The following CENPC variants were observed in gnomAD, a reference collection of about 807,000 sequenced individuals.
The protein encoded by CENPC is centromere protein C.
A neutral mutation model predicts 112.1 loss-of-function variants in CENPC; 63 were observed. That is an observed-to-expected ratio of 0.56 (90% CI 0.46 to 0.69). The LOEUF (loss-of-function observed/expected upper bound fraction) is 0.69, where lower values mean the gene tolerates loss of function less well. Ranked by LOEUF, CENPC falls within the 30% of genes least tolerant of loss-of-function variation. The probability of loss-of-function intolerance (pLI) is 0.00; values close to 1 mark genes in which losing one functional copy is unlikely to be tolerated. For synonymous variants in CENPC, 333 were observed against 367.6 expected (o/e 0.91, Z 1.08); for missense variants, 1,000 against 1,103.8 (o/e 0.91, Z 1.33).
chr4:67,519,266 C>T lies in CENPC; in HGVS notation c.568G>A (p.Val190Ile), dbSNP rs1355504666. 2.7e-5 allele frequency: 44 copies of T among 1,605,410 alleles called. No homozygotes were observed. Among genetic ancestry groups the T allele is most frequent in the Non-Finnish European group, 3.6e-5 (42 of 1,174,478 alleles). ...TCTGTACTTGAAGGCAGCATATTTA[C>T]TGAATTTTCAAAAGTGTAAGTCTCT... is the stretch of plus-strand genomic sequence containing the variant. ...KRETYTFENS[V>I]NMLPSSTEVS... Residue 190 changes from valine to isoleucine, a missense_variant, in exon 6 of 19, where the codon GTA becomes ATA. By Grantham distance (29) the Val-to-Ile change is conservative (BLOSUM62 3). Coordinates refer to ENST00000273853, the MANE Select transcript of CENPC (RefSeq NM_001812.4).
chr4:67,500,828 T>C (rs140373438), intron 12 of CENPC, among the ~76,000 whole-genome samples: 354 of 152,274 alleles, frequency 2.3e-3, no homozygotes, highest in African/African-American at 8.3e-3. Context: ...CCATCATTAG[T>C]GGCTGATAAT....
intron 3 of CENPC, 139 bp from the exon 4 acceptor site, chr4:67,540,073 C>T (rs1056324830): frequency 6.2e-6 from 3 of 485,764 alleles, no homozygotes. Flanking sequence ...AAGTAGAGAC[C>T]TCAATTTAAT....
At chr4:67,541,593 T>C (rs1356811297) in intron 2 of CENPC, among the ~76,000 whole-genome samples, 1 of 152,168 alleles carries the variant, frequency 6.6e-6, no homozygotes, top group Non-Finnish European at 1.5e-5. Context: ...AGTGCTAATA[T>C]TTTGCAAAAC....
intron 18 of CENPC, among the ~76,000 whole-genome samples, chr4:67,473,498 T>C (rs183873665): frequency 1.0e-3 from 156 of 152,250 alleles, no homozygotes; most frequent in African/African-American, 3.4e-3. Flanking sequence ...TTTTGCCTGT[T>C]TTTTCATTTA....
At chr4:67,473,677 C>T (rs180773170) in intron 18 of CENPC, among the ~76,000 whole-genome samples, 222 of 152,160 alleles carry the variant, frequency 1.5e-3, no homozygotes, top group Non-Finnish European at 2.0e-3. Context: ...CCCAGCCTCC[C>T]GAGAGCTAGG....
intron 18 of CENPC, among the ~76,000 whole-genome samples, chr4:67,472,912 C>T (rs184186570): frequency 1.7e-4 from 26 of 152,142 alleles, no homozygotes; most frequent in Admixed American, 4.6e-4. Flanking sequence ...AAAATAAATA[C>T]GGAGATGAAT....
At chr4:67,488,367 T>C (rs568605871) in intron 17 of CENPC, among the ~76,000 whole-genome samples, 15 of 152,134 alleles carry the variant, frequency 9.9e-5, no homozygotes, top group Admixed American at 9.8e-4. Context: ...CTGTAGCACA[T>C]TGTAGTGGTT....
At chr4:67,511,045 T>C (rs1387463966) in intron 9 of CENPC, 2 of 456,014 alleles carry the variant, frequency 4.4e-6, no homozygotes, top group Non-Finnish European at 8.8e-6. Context: ...AAAAGTGAGT[T>C]CCCCAAAGCA....
chr4:67,502,886 C>G (rs928307899), intron 12 of CENPC, among the ~76,000 whole-genome samples: 2 of 152,082 alleles, frequency 1.3e-5, no homozygotes, highest in African/African-American at 4.8e-5. Context: ...TCAAAAATAC[C>G]TAAAAATCCT....
intron 17 of CENPC, among the ~76,000 whole-genome samples, chr4:67,475,589 A>G (rs187690206): frequency 7.9e-4 from 121 of 152,298 alleles, no homozygotes; most frequent in Non-Finnish European, 1.3e-3. Context: ...TGAGATAGAT[A>G]ATACAAGAGT....
rs909930549 is a variant in CENPC, at chr4:67,470,118, T to C, written c.*2487A>G. Reference sequence around the variant, plus strand: ...CCTAGAAGTTGGCTGAACAGTTGGCTGAACAGTAGGCTGCAAATGTGCAGA... The same window carrying C: ...CCTAGAAGTTGGCTGAACAGTTGGCCGAACAGTAGGCTGCAAATGTGCAGA... On this transcript the variant is annotated 3_prime_UTR_variant, in exon 19 of 19. Transcript: ENST00000273853. 3.3e-5 allele frequency: 5 copies of C among 152,210 alleles called. No individual in the cohort carries two copies. The highest frequency in any genetic ancestry group is 1.2e-4 in the African/African-American group (5 of 41,460). The allele number at this position is 152,210 out of a possible 1,614,324, so 9.4% of individuals were successfully genotyped here. A position where few individuals can be genotyped will look rare whatever the true frequency, so the allele number is the denominator to read the frequency against.
In CENPC at chr4:67,471,869, C is replaced by T. The variant is rs1270437120; in HGVS notation, c.*736G>A. 6.6e-6 allele frequency: 1 copy of T among 152,342 alleles called. No homozygotes were observed. Among genetic ancestry groups the T allele is most frequent in the African/African-American group, 2.4e-5 (1 of 41,424 alleles). 9.4% of individuals were successfully genotyped at this position (152,342 alleles called of 1,614,324 possible). ...CAATGGCGAAGGACACTGCCTCCAA[C>T]AGAAAATATGAACCAAAAAGCATAA... is the stretch of plus-strand genomic sequence containing the variant. On this transcript the variant is annotated 3_prime_UTR_variant, in exon 19 of 19. Coordinates refer to ENST00000273853, the MANE Select transcript of CENPC (RefSeq NM_001812.4).
At chr4:67,516,626 TA>T (rs1285619972) in intron 7 of CENPC, among the ~76,000 whole-genome samples, 1 of 152,024 alleles carries the variant, frequency 6.6e-6, no homozygotes, top group Non-Finnish European at 1.5e-5. Context: ...CTTATATAAT[TA>T]GAAAACTCTA....
chr4:67,489,090 A>C (rs977275240), intron 17 of CENPC, among the ~76,000 whole-genome samples: 6 of 151,958 alleles, frequency 3.9e-5, no homozygotes, highest in African/African-American at 1.4e-4. Context: ...CTGCTGGTAT[A>C]ATGTTAAATA....
At chr4:67,493,584 G>A (rs965261136) in intron 14 of CENPC, 2 of 238,848 alleles carry the variant, frequency 8.4e-6, no homozygotes, top group African/African-American at 4.6e-5. Flanking sequence ...TGGTTAATAG[G>A]AAAAATAATG....
intron 5 of CENPC, among the ~76,000 whole-genome samples, chr4:67,529,706 G>A (rs751027511): frequency 3.9e-4 from 59 of 152,208 alleles, no homozygotes; most frequent in Non-Finnish European, 7.2e-4. Flanking sequence ...GAATTCTCAC[G>A]AAATTACTAC....
Position 67,492,363 on chromosome 4 carries a change from G to A in CENPC, c.2420-88C>T, listed in dbSNP as rs1481300247. On this transcript the variant is annotated intron_variant, in intron 15 of 18. Transcript: ENST00000273853. ...GTTCAGTACAAAATATAGCTATAGAGAAGTTATAAAACTGTCAAACGCAAA... is the reference window on the plus strand; with the variant it reads ...GTTCAGTACAAAATATAGCTATAGAAAAGTTATAAAACTGTCAAACGCAAA... 8.1e-6 allele frequency: 6 copies of A among 738,648 alleles called. No individual in the cohort carries two copies. In the East Asian group the frequency reaches 1.5e-4, roughly 18 times the overall value. The allele number at this position is 738,648 out of a possible 1,614,324, so 45.8% of individuals were successfully genotyped here. A position where few individuals can be genotyped will look rare whatever the true frequency, so the allele number is the denominator to read the frequency against.
In CENPC at chr4:67,484,884, G is replaced by A. The variant is rs189820028; in HGVS notation, c.2670+5083C>T. On this transcript the variant is annotated intron_variant, in intron 17 of 18. Coordinates refer to ENST00000273853, the MANE Select transcript of CENPC (RefSeq NM_001812.4). The stretch of plus-strand genomic sequence containing the variant: ...CTAGGTGGGCGGATCACGAGGTCAG[G>A]AGATCGAGACCATCCTGGCTAACAC... Among the ~76,000 whole-genome samples, 222 of 152,266 alleles carry A rather than the reference G, an allele frequency of 1.5e-3. 1 individual carries two copies. Among genetic ancestry groups the A allele is most frequent in the Middle Eastern group, 0.014 (4 of 294 alleles).
At chr4:67,544,041 A>ATATAATCAGAAATCTAATATAAT in intron 2 of CENPC, 108 bp downstream of exon 2, 2 of 669,364 alleles carry the variant, frequency 3.0e-6, no homozygotes, top group East Asian at 5.6e-5. Flanking sequence ...ATCAGTGGGC[A>ATATAATCAGAAATCTAATATAAT]CAGAAATCAT....
Sources: gnomAD v4.1 joint callset for allele counts (sites outside exome capture counted in the v4.1 genomes callset) on GRCh38, gnomAD v4.1.1 for gene constraint, MANE v1.5 for transcripts, NCBI Gene and HGNC (gene_info 2026-07-23, HGNC 2026-07-21) for gene names.